CTTNBP2: variants seen among roughly 807,000 people sequenced by gnomAD.
CTTNBP2 encodes the protein cortactin-binding protein 2.
CTTNBP2 carries 108 observed loss-of-function variants against 156.9 expected under a neutral mutation model. That is an observed-to-expected ratio of 0.69 (90% confidence interval 0.59 to 0.81). CTTNBP2 has a LOEUF of 0.81. Ranked by LOEUF, CTTNBP2 falls within the 30% of genes least tolerant of loss-of-function variation. CTTNBP2 has a pLI of 0.00. For missense variants in CTTNBP2, 1,924 were observed against 2,035.4 expected (o/e 0.95, Z 1.05); for synonymous variants, 767 against 751.8 (o/e 1.02, Z -0.33).
chr7:117,832,906 C>T (rs1395183689), intron 2 of CTTNBP2, among the ~76,000 whole-genome samples: 1 of 103,814 alleles, frequency 9.6e-6, no homozygotes, highest in Non-Finnish European at 1.9e-5. Context: ...GCCACCACAC[C>T]CGGCTTTTTT....
intron 12 of CTTNBP2, among the ~76,000 whole-genome samples, chr7:117,755,937 A>T (rs1796857741): frequency 6.6e-6 from 1 of 152,146 alleles, no homozygotes; most frequent in African/African-American, 2.4e-5. Flanking sequence ...CCAGCTAGGA[A>T]GTGAGAGTGG....
intron 2 of CTTNBP2, among the ~76,000 whole-genome samples, chr7:117,846,885 A>G (rs1802616346): frequency 6.6e-6 from 1 of 152,054 alleles, no homozygotes; most frequent in South Asian, 2.1e-4. Flanking sequence ...AAAAAAATAT[A>G]TATATACTCT....
intron 4 of CTTNBP2, 22 bp from the exon 5 acceptor site, chr7:117,784,476 G>A (rs777199235): frequency 1.1e-5 from 17 of 1,534,878 alleles, no homozygotes; most frequent in African/African-American, 5.5e-5. Context: ...AGTGACCCTC[G>A]TTAGAGAGTA....
chr7:117,739,829 G>T (rs537438384), intron 14 of CTTNBP2, among the ~76,000 whole-genome samples: 1 of 152,150 alleles, frequency 6.6e-6, no homozygotes, highest in African/African-American at 2.4e-5. Flanking sequence ...GCCCAAGGAG[G>T]TAAACTCATT....
At chr7:117,844,349 TG>T (rs1802452092) in intron 2 of CTTNBP2, among the ~76,000 whole-genome samples, 1 of 152,134 alleles carries the variant, frequency 6.6e-6, no homozygotes. Context: ...TAATACAGGT[TG>T]GGGTAAGTGG....
chr7:117,831,611 T>C lies in CTTNBP2; in HGVS notation c.190-20622A>G, dbSNP rs553081260. ...ACAACAGCACATTTGAAAGACTGTA[T>C]ACATTTGAGGTCTCCAAACTCACCT... On this transcript the variant is annotated intron_variant, in intron 2 of 22. Transcript: ENST00000160373. Among the ~76,000 whole-genome samples, 8 of 152,216 alleles carry C rather than the reference T, an allele frequency of 5.3e-5. No individual in the cohort carries two copies. In the East Asian group the frequency reaches 1.2e-3, roughly 22 times the overall value.
intron 19 of CTTNBP2, among the ~76,000 whole-genome samples, chr7:117,722,013 A>G (rs1349303906): frequency 6.6e-6 from 1 of 152,248 alleles, no homozygotes; most frequent in Admixed American, 6.5e-5. Flanking sequence ...TATCCTCATT[A>G]AAAGCAGATC....
chr7:117,869,796 GAA>G (rs34465093), intron 1 of CTTNBP2, among the ~76,000 whole-genome samples: 5 of 147,942 alleles, frequency 3.4e-5, no homozygotes, highest in South Asian at 2.1e-4. Context: ...TATTTAAGAA[GAA>G]AAAAAAAAGA....
At chr7:117,826,372 C>T (rs1372235914) in intron 2 of CTTNBP2, among the ~76,000 whole-genome samples, 1 of 152,082 alleles carries the variant, frequency 6.6e-6, no homozygotes, top group Admixed American at 6.6e-5. Context: ...GTTTCAATGC[C>T]ATTCTTTAAT....
intron 2 of CTTNBP2, among the ~76,000 whole-genome samples, chr7:117,838,967 C>CGG (rs67694603): frequency 0.023 from 2,160 of 94,846 alleles, 68 homozygotes; most frequent in African/African-American, 0.075. Flanking sequence ...ATTGCGGGGG[C>CGG]GGGGGGGGGG....
In CTTNBP2 at chr7:117,854,614, T is replaced by C. The variant is rs1803140984; in HGVS notation, c.189+6595A>G. ...TAATTCAATTTTAAATAGTAAAATA[T>C]GTAATACATTTTGAAAGGGCCCTGA... On this transcript the variant is annotated intron_variant, in intron 2 of 22. Coordinates refer to ENST00000160373, the MANE Select transcript of CTTNBP2 (RefSeq NM_033427.3). 3.3e-5 allele frequency among the ~76,000 whole-genome samples: 5 copies of C among 152,338 alleles called. No homozygotes were observed. In the South Asian group the frequency reaches 1.0e-3, roughly 32 times the overall value.
intron 2 of CTTNBP2, among the ~76,000 whole-genome samples, chr7:117,821,881 C>T (rs893152561): frequency 2.6e-5 from 4 of 152,096 alleles, no homozygotes; most frequent in Non-Finnish European, 2.9e-5. Context: ...TGAGCCACCG[C>T]GCCTGGCCTG....
At chr7:117,771,522 T>C (rs1797797501) in intron 8 of CTTNBP2, among the ~76,000 whole-genome samples, 1 of 152,182 alleles carries the variant, frequency 6.6e-6, no homozygotes, top group Non-Finnish European at 1.5e-5. Context: ...CTATGCACTT[T>C]GCATGCTTTT....
chr7:117,792,086 T>A lies in CTTNBP2; in HGVS notation c.1110A>T (p.Val370=), dbSNP rs572669898. 5.1e-5 allele frequency: 83 copies of A among 1,614,046 alleles called. No homozygotes were observed. The East Asian group carries it at 1.6e-3, about 32-fold the overall frequency. ...ASYGDLIGAS[V]PAFPPPSANK... Reference sequence around the variant, plus strand: ...TTGCACTTGGAGGTGGGAAAGCGGGTACAGAAGCGCCAATCAAGTCACCAT... The same window carrying A: ...TTGCACTTGGAGGTGGGAAAGCGGGAACAGAAGCGCCAATCAAGTCACCAT... The change falls in exon 4 of 23, where the codon GTA becomes GTT. Residue 370 remains valine, a synonymous_variant. Coordinates refer to ENST00000160373, the MANE Select transcript of CTTNBP2 (RefSeq NM_033427.3). This position sits in a 1 kb window ranked among gnomAD's most constrained non-coding sequence, Gnocchi z 4.2.
rs10250344 is a variant in CTTNBP2, at chr7:117,791,030, T to C, written c.2068+98A>G. On this transcript the variant is annotated intron_variant, in intron 4 of 22. Transcript: ENST00000160373. Reference sequence around the variant, plus strand: ...AATGGGGGTGGGGGGAAGCATCAAATTTAAAAAAAAAGTTTCAAGGCAATG... The same window carrying C: ...AATGGGGGTGGGGGGAAGCATCAAACTTAAAAAAAAAGTTTCAAGGCAATG... 1.3e-3 allele frequency: 1,395 copies of C among 1,048,412 alleles called. 14 individuals are homozygous for C. The African/African-American group carries it at 0.02, about 15-fold the overall frequency. The allele number at this position is 1,048,412 out of a possible 1,614,324, so 64.9% of individuals were successfully genotyped here.
chr7:117,797,377 T>C (rs1255853541), intron 3 of CTTNBP2, among the ~76,000 whole-genome samples: 1 of 152,016 alleles, frequency 6.6e-6, no homozygotes, highest in African/African-American at 2.4e-5. Flanking sequence ...GAATCCAGAG[T>C]CTGCAACATA....
chr7:117,780,648 A>G, intron 6 of CTTNBP2, 57 bp from the exon 7 acceptor site: 1 of 1,089,586 alleles, frequency 9.2e-7, no homozygotes, highest in Non-Finnish European at 1.3e-6. Context: ...TTGAAGCACC[A>G]CCTAACCAAG....
In CTTNBP2 at chr7:117,791,872, T is replaced by G; in HGVS notation, c.1324A>C (p.Asn442His). ...CANTSLHPGL[N>H]PRIQAARFRF... ...AATCTAGCTGCTTGGATTCGTGGGT[T>G]TAGACCTGGATGCAAAGAGGTGTTG... The change falls in exon 4 of 23, where the codon AAC becomes CAC. Residue 442 changes from asparagine to histidine, a missense_variant. Asn to His is a moderately conservative substitution (Grantham distance 68). Transcript: ENST00000160373. 1 of 1,614,176 alleles carries G rather than the reference T, an allele frequency of 6.2e-7. No homozygotes were observed. Among genetic ancestry groups the G allele is most frequent in the Non-Finnish European group, 8.5e-7 (1 of 1,180,040 alleles).
Position 117,735,436 on chromosome 7 carries a change from G to C in CTTNBP2, c.3536-15C>G. ...GATCAGACAAGCTATAATAAAAAAG[G>C]AAATTCAGTGATTCAAGCTTTTGAC... On this transcript the variant is annotated splice_polypyrimidine_tract_variant and intron_variant, in intron 14 of 22. Coordinates refer to ENST00000160373, the MANE Select transcript of CTTNBP2 (RefSeq NM_033427.3). The C allele has an allele frequency of 6.3e-7, 1 of 1,580,806 alleles. No homozygotes were observed.
Sources: allele counts gnomAD v4.1 joint callset (sites outside exome capture counted in the v4.1 genomes callset), GRCh38; gene constraint gnomAD v4.1.1; non-coding constraint Gnocchi (gnomAD v3.1); transcripts MANE v1.5; gene names NCBI Gene and HGNC (gene_info 2026-07-23, HGNC 2026-07-21).